The following NAALADL2 variants were observed in gnomAD, a reference collection of about 807,000 sequenced individuals.
NAALADL2 encodes N-acetylated alpha-linked acidic dipeptidase like 2.
A neutral mutation model predicts 87.2 loss-of-function variants in NAALADL2; 76 were observed. That is an observed-to-expected ratio of 0.87 (90% confidence interval 0.72 to 1.05). NAALADL2 has a LOEUF of 1.05. Among genes scored for constraint, NAALADL2 ranks in the 50% least tolerant of loss-of-function variants. The pLI is 0.00. For synonymous variants in NAALADL2, 354 were observed against 331.0 expected (o/e 1.07, Z -0.75); for missense variants, 1,089 against 945.8 (o/e 1.15, Z -1.99).
intron 5 of NAALADL2, among the ~76,000 whole-genome samples, chr3:175,358,859 G>A (rs1278627517): frequency 6.6e-6 from 1 of 152,058 alleles, no homozygotes; most frequent in Non-Finnish European, 1.5e-5. Context: ...AAGTCAATAG[G>A]TTAAAAGGTT....
At chr3:175,365,790 C>A (rs1413738853) in intron 5 of NAALADL2, among the ~76,000 whole-genome samples, 1 of 147,058 alleles carries the variant, frequency 6.8e-6, no homozygotes, top group East Asian at 2.0e-4. Context: ...TATAATTTTG[C>A]AAAATATTGT....
intron 9 of NAALADL2, among the ~76,000 whole-genome samples, chr3:175,474,117 C>A (rs1725294634): frequency 6.6e-6 from 1 of 151,994 alleles, no homozygotes; most frequent in South Asian, 2.1e-4. Flanking sequence ...AAGGTGGTAT[C>A]TCATTGTGGT....
chr3:174,490,756 C>T (rs570799485), intron 1 of NAALADL2, among the ~76,000 whole-genome samples: 2 of 151,904 alleles, frequency 1.3e-5, no homozygotes, highest in African/African-American at 4.8e-5. Context: ...ATTCAAAGAG[C>T]GCTCCTTTGA....
At chr3:174,678,274 A>C (rs1295479918) in intron 2 of NAALADL2, among the ~76,000 whole-genome samples, 1 of 152,154 alleles carries the variant, frequency 6.6e-6, no homozygotes, top group Non-Finnish European at 1.5e-5. Context: ...CTAACCAGCT[A>C]TTAGGTGATG....
intron 1 of NAALADL2, among the ~76,000 whole-genome samples, chr3:174,924,639 T>C (rs1735723092): frequency 6.6e-6 from 1 of 152,176 alleles, no homozygotes; most frequent in Non-Finnish European, 1.5e-5. Flanking sequence ...ATCGCCACAC[T>C]GTCTTCCACA....
intron 1 of NAALADL2, among the ~76,000 whole-genome samples, chr3:174,868,479 AATC>A (rs1727418397): frequency 6.6e-6 from 1 of 152,186 alleles, no homozygotes; most frequent in African/African-American, 2.4e-5. Context: ...CTGTTCCCAC[AATC>A]ATCAACACCA....
At chr3:174,977,436 C>A (rs1052282540) in intron 1 of NAALADL2, among the ~76,000 whole-genome samples, 3 of 152,136 alleles carry the variant, frequency 2.0e-5, no homozygotes, top group East Asian at 1.9e-4. Context: ...AGATGTGTAA[C>A]CTTTTTAAAG....
intron 4 of NAALADL2, among the ~76,000 whole-genome samples, chr3:175,303,711 A>T: frequency 6.6e-6 from 1 of 152,368 alleles, no homozygotes; most frequent in East Asian, 1.9e-4. Flanking sequence ...GCATACTACC[A>T]GAGAAACTAA....
rs192604655 is a variant in NAALADL2, at chr3:175,218,725, G to T, written c.546-15206G>T. On this transcript the variant is annotated intron_variant, in intron 2 of 13. Coordinates refer to ENST00000454872, the MANE Select transcript of NAALADL2 (RefSeq NM_207015.3). ...GGCTATATCTGTGAGACTTATCCAT[G>T]GTGTTGCATATAAAATATTATATAG... Among the ~76,000 whole-genome samples, 6 of 151,930 alleles carry T rather than the reference G, an allele frequency of 3.9e-5. 1 individual carries two copies. Among genetic ancestry groups the T allele is most frequent in the Admixed American group, 3.9e-4 (6 of 15,236 alleles).
chr3:175,629,272 T>TTA (rs112940341), intron 11 of NAALADL2, among the ~76,000 whole-genome samples: 37,130 of 147,802 alleles, frequency 0.25, 5,236 homozygotes, highest in African/African-American at 0.38. Flanking sequence ...CTTGGAGATT[T>TTA]TATATATAGA....
chr3:174,442,371 C>G (rs145502151), intron 1 of NAALADL2, among the ~76,000 whole-genome samples: 1 of 85,410 alleles, frequency 1.2e-5, no homozygotes, highest in African/African-American at 4.9e-5. Flanking sequence ...ATACTTTCAC[C>G]TTTAATTTTT....
chr3:174,502,350 G>C (rs137879549), intron 1 of NAALADL2, among the ~76,000 whole-genome samples: 1 of 151,974 alleles, frequency 6.6e-6, no homozygotes, highest in Non-Finnish European at 1.5e-5. Context: ...ATTTACATTC[G>C]TGTGATACTT....
At chr3:174,539,539 G>A (rs1484815675) in intron 1 of NAALADL2, among the ~76,000 whole-genome samples, 1 of 152,044 alleles carries the variant, frequency 6.6e-6, no homozygotes, top group African/African-American at 2.4e-5. Context: ...CTTATGACCT[G>A]CCTTTCTGGC....
At chr3:175,642,298 C>G (rs1729395610) in intron 11 of NAALADL2, among the ~76,000 whole-genome samples, 1 of 152,116 alleles carries the variant, frequency 6.6e-6, no homozygotes, top group African/African-American at 2.4e-5. Flanking sequence ...ATAAGATTTA[C>G]TCTTGTGTGC....
chr3:175,429,340 C>T (rs887315753), intron 5 of NAALADL2, among the ~76,000 whole-genome samples: 1 of 151,888 alleles, frequency 6.6e-6, no homozygotes, highest in African/African-American at 2.4e-5. Flanking sequence ...ATGTTTCATG[C>T]TATAAATGCT....
chr3:174,452,715 AC>A (rs1715568581), intron 1 of NAALADL2, among the ~76,000 whole-genome samples: 2 of 151,786 alleles, frequency 1.3e-5, no homozygotes, highest in African/African-American at 4.8e-5. Context: ...GACTGAATCC[AC>A]CTTATTACAC....
chr3:175,678,915 T>C (rs993914968), intron 11 of NAALADL2, among the ~76,000 whole-genome samples: 2 of 152,080 alleles, frequency 1.3e-5, no homozygotes, highest in Admixed American at 6.5e-5. Flanking sequence ...GGCTGTTCAT[T>C]TCACCTGGGT....
chr3:174,862,280 C>T (rs1336164065), intron 1 of NAALADL2, among the ~76,000 whole-genome samples: 1 of 152,038 alleles, frequency 6.6e-6, no homozygotes, highest in African/African-American at 2.4e-5. Flanking sequence ...GGCACTCTAT[C>T]ACTCCATCAG....
chr3:174,919,205 G>C (rs891379982), intron 1 of NAALADL2, among the ~76,000 whole-genome samples: 2 of 151,794 alleles, frequency 1.3e-5, no homozygotes, highest in South Asian at 4.2e-4. Flanking sequence ...GGCTGCTTGT[G>C]GCAATTTCTT....
Sources: gnomAD v4.1 joint callset for allele counts (sites outside exome capture counted in the v4.1 genomes callset) on GRCh38, gnomAD v4.1.1 for gene constraint, MANE v1.5 for transcripts, NCBI Gene and HGNC (gene_info 2026-07-23, HGNC 2026-07-21) for gene names.